The following OSBPL3 variants were observed in gnomAD, a reference collection of about 807,000 sequenced individuals.
OSBPL3 encodes oxysterol binding protein like 3.
OSBPL3 carries 65 observed loss-of-function variants against 120.1 expected under a neutral mutation model. The observed-to-expected ratio is 0.54, with a 90% CI of 0.44 to 0.67. OSBPL3 has a LOEUF of 0.67. Among genes scored for constraint, OSBPL3 ranks in the 30% least tolerant of loss-of-function variants. The pLI is 0.00. For synonymous variants in OSBPL3, 416 were observed against 402.6 expected (o/e 1.03, Z -0.40); for missense variants, 1,004 against 1,082.1 (o/e 0.93, Z 1.01).
intron 14 of OSBPL3, among the ~76,000 whole-genome samples, chr7:24,838,929 C>G (rs980580384): frequency 6.6e-6 from 1 of 152,196 alleles, no homozygotes; most frequent in Non-Finnish European, 1.5e-5. Flanking sequence ...GGGTTCATCT[C>G]CCAAGAAACA....
rs766168882 is a variant in OSBPL3, at chr7:24,863,460, G to A, written c.777+36C>T. 6.6e-7 allele frequency: 1 copy of A among 1,525,658 alleles called. No homozygotes were observed. The highest frequency in any genetic ancestry group is 9.1e-7 in the Non-Finnish European group (1 of 1,099,380). The allele number at this position is 1,525,658 out of a possible 1,614,324, so 94.5% of individuals were successfully genotyped here. On this transcript the variant is annotated intron_variant, in intron 8 of 22. Transcript: ENST00000313367. This position sits in a 1 kb window ranked among gnomAD's most constrained non-coding sequence, Gnocchi z 5.8. ...TGGGAGGAGAAAGGAAAGCAGAAGAGGGCCAGAATGTCAACAGAAGAGGAG... is the reference window on the plus strand; with the variant it reads ...TGGGAGGAGAAAGGAAAGCAGAAGAAGGCCAGAATGTCAACAGAAGAGGAG...
In OSBPL3 at chr7:24,804,375, T is replaced by C; in HGVS notation, c.2507A>G (p.Gln836Arg). The change falls in exon 22 of 23, where the codon CAG becomes CGG. Residue 836 changes from glutamine to arginine, a missense_variant. Gln to Arg is a conservative substitution (Grantham distance 43). Around this residue, in one of 4 missense-constraint regions of OSBPL3, gnomAD observed 473 missense variants for 568.0 expected, o/e 0.83. Coordinates refer to ENST00000313367, the MANE Select transcript of OSBPL3 (RefSeq NM_015550.4). This position sits in a 1 kb window ranked among gnomAD's most constrained non-coding sequence, Gnocchi z 5.4. ...EIQKQRIEQLQRERRRVLEEN... is the reference protein window; with the variant it reads ...EIQKQRIEQLRRERRRVLEEN... The stretch of plus-strand genomic sequence containing the variant: ...TTCTAAGACCCGCCGCCTTTCTCTC[T>C]GCAGTTGTTCAATCCTCTGCTTTTG... 1 of 1,614,144 alleles carries C rather than the reference T, an allele frequency of 6.2e-7. No homozygotes were observed. Among genetic ancestry groups the C allele is most frequent in the South Asian group, 1.1e-5 (1 of 91,080 alleles).
rs1796256884 is a variant in OSBPL3, at chr7:24,830,687, G to A, written c.1884+81C>T. 1 of 1,303,230 alleles carries A rather than the reference G, an allele frequency of 7.7e-7. No homozygotes were observed. Among genetic ancestry groups the A allele is most frequent in the Admixed American group, 2.2e-5 (1 of 44,844 alleles). 80.7% of individuals were successfully genotyped at this position (1,303,230 alleles called of 1,614,324 possible). On this transcript the variant is annotated intron_variant, in intron 16 of 22. Coordinates refer to ENST00000313367, the MANE Select transcript of OSBPL3 (RefSeq NM_015550.4). This position sits in a 1 kb window ranked among gnomAD's most constrained non-coding sequence, Gnocchi z 4.4. Reference sequence around the variant, plus strand: ...GGCTGCTTTGAAGCCAGTGAAAGGTGGAAGATAAATATTTCAGAAGCACAT... The same window carrying A: ...GGCTGCTTTGAAGCCAGTGAAAGGTAGAAGATAAATATTTCAGAAGCACAT...
intron 1 of OSBPL3, among the ~76,000 whole-genome samples, chr7:24,929,991 T>C (rs535248431): frequency 4.9e-4 from 75 of 152,298 alleles, no homozygotes; most frequent in African/African-American, 1.8e-3. Flanking sequence ...TCTTCACCTC[T>C]CTGGGTTCTC....
At chr7:24,917,959 A>AT (rs1809919057) in intron 1 of OSBPL3, 1 of 350,912 alleles carries the variant, frequency 2.8e-6, no homozygotes, top group African/African-American at 2.2e-5. Flanking sequence ...ACACTTACCC[A>AT]TTTACCAAGA....
At chr7:24,870,922 C>A (rs1802019709) in intron 4 of OSBPL3, 77 bp from the exon 5 acceptor site, 1 of 886,140 alleles carries the variant, frequency 1.1e-6, no homozygotes, top group Non-Finnish European at 1.9e-6. Context: ...CACCCTTCCA[C>A]ATCCCCTGAT....
At chr7:24,876,893 G>A (rs1449587932) in intron 2 of OSBPL3, among the ~76,000 whole-genome samples, 1 of 152,144 alleles carries the variant, frequency 6.6e-6, no homozygotes, top group South Asian at 2.1e-4. Context: ...AAAGAATAGA[G>A]CAACTACAAT....
Position 24,804,405 on chromosome 7 carries a change from TCA to T in OSBPL3, c.2475_2476del (p.Glu826AsnfsTer7). ...TTGTTCAATCCTCTGCTTTTGTATT[TCA>T]GCTTCTTCTAAGTTCCCTTCCTCTA... On this transcript the variant is annotated frameshift_variant, in exon 22 of 23. Transcript: ENST00000313367. LOFTEE classifies it high-confidence loss of function. The surrounding 1 kb of genome is among the most constrained non-coding windows in gnomAD (Gnocchi z 5.4). 6.2e-7 allele frequency: 1 copy of T among 1,614,016 alleles called. No individual in the cohort carries two copies. Among genetic ancestry groups the T allele is most frequent in the Non-Finnish European group, 8.5e-7 (1 of 1,179,924 alleles).
In OSBPL3 at chr7:24,894,581, C is replaced by A. The variant is rs1336400952; in HGVS notation, c.-149-1960G>T. 2.0e-5 allele frequency among the ~76,000 whole-genome samples: 3 copies of A among 151,936 alleles called. No homozygotes were observed. Among genetic ancestry groups the A allele is most frequent in the Non-Finnish European group, 4.4e-5 (3 of 67,994 alleles). On this transcript the variant is annotated intron_variant, in intron 1 of 22. Coordinates refer to ENST00000313367, the MANE Select transcript of OSBPL3 (RefSeq NM_015550.4). This position sits in a 1 kb window ranked among gnomAD's most constrained non-coding sequence, Gnocchi z 4.1. Reference sequence around the variant, plus strand: ...GTCTGTGCTTGGGGCGGGGAGGGGGCATCCACTGCTATGGCAACAGATTCC... The same window carrying A: ...GTCTGTGCTTGGGGCGGGGAGGGGGAATCCACTGCTATGGCAACAGATTCC...
intron 1 of OSBPL3, among the ~76,000 whole-genome samples, chr7:24,893,627 C>T (rs10951032): frequency 0.27 from 40,576 of 151,832 alleles, 5,579 homozygotes; most frequent in East Asian, 0.44. Context: ...GCCTGGCCAA[C>T]ATGGTGAAAC....
At position 24,865,332 on chromosome 7, in the gene OSBPL3, G is replaced by A. The variant is rs761316094; in HGVS notation, c.673+10C>T. On this transcript the variant is annotated intron_variant, in intron 7 of 22. Transcript: ENST00000313367. Reference sequence around the variant, plus strand: ...CCACAACAGAAAGCAGACGTTTCAAGTCACTCTACCTTTGGAGCATTTTTC... The same window carrying A: ...CCACAACAGAAAGCAGACGTTTCAAATCACTCTACCTTTGGAGCATTTTTC... 1.2e-5 allele frequency: 20 copies of A among 1,613,188 alleles called. 1 individual carries two copies. The South Asian group carries it at 2.2e-4, about 18-fold the overall frequency.
intron 2 of OSBPL3, among the ~76,000 whole-genome samples, chr7:24,884,956 A>G (rs1449178107): frequency 6.6e-6 from 1 of 152,124 alleles, no homozygotes; most frequent in Non-Finnish European, 1.5e-5. Flanking sequence ...GAGATGCTAA[A>G]TCTTAGTATC....
chr7:24,864,517 T>C (rs1217410280), intron 7 of OSBPL3, among the ~76,000 whole-genome samples: 15 of 152,194 alleles, frequency 9.9e-5, no homozygotes, highest in Non-Finnish European at 2.2e-4. Flanking sequence ...TGATATTTAT[T>C]AGAGGGGTAA....
At chr7:24,840,658 A>G in intron 14 of OSBPL3, 32 bp downstream of exon 14, 3 of 1,002,530 alleles carry the variant, frequency 3.0e-6, no homozygotes, top group Non-Finnish European at 4.5e-6. Context: ...GAAAATCCAA[A>G]CTTTTCAGAG....
At position 24,813,016 on chromosome 7, in the gene OSBPL3, C is replaced by A. The variant is rs1794030330; in HGVS notation, c.2172+2043G>T. On this transcript the variant is annotated intron_variant, in intron 19 of 22. Transcript: ENST00000313367. This position sits in a 1 kb window ranked among gnomAD's most constrained non-coding sequence, Gnocchi z 4.5. ...GCCTCAGCCTCTCCAGCAGCTGGGA[C>A]TACAGGTGCATGCCACCGTGTCTGG... Among the ~76,000 whole-genome samples the A allele has an allele frequency of 6.6e-6, 1 of 152,132 alleles. No homozygotes were observed. Among genetic ancestry groups the A allele is most frequent in the Non-Finnish European group, 1.5e-5 (1 of 68,024 alleles).
rs1812013639 is a variant in OSBPL3 at position 24,933,303 on chromosome 7, A to T, written c.-149-40682T>A. Among the ~76,000 whole-genome samples, 1 of 152,184 alleles carries T rather than the reference A, an allele frequency of 6.6e-6. No homozygotes were observed. Among genetic ancestry groups the T allele is most frequent in the Admixed American group, 6.5e-5 (1 of 15,280 alleles). ...CATTTCAGCTTGACAATTTAGTAAC[A>T]CTGCTCTAGAGTCAAAAAAAGAACC... is the stretch of plus-strand genomic sequence containing the variant. On this transcript the variant is annotated intron_variant, in intron 1 of 22. Transcript: ENST00000313367. The surrounding 1 kb of genome is among the most constrained non-coding windows in gnomAD (Gnocchi z 5.1).
intron 1 of OSBPL3, among the ~76,000 whole-genome samples, chr7:24,979,669 G>A (rs771734553): frequency 2.3e-4 from 35 of 152,124 alleles, no homozygotes; most frequent in Admixed American, 4.6e-4. Context: ...TCCTGGGGTG[G>A]GTGAGACCCG....
At position 24,803,639 on chromosome 7, in the gene OSBPL3, C is replaced by T. The variant is rs1411228144; in HGVS notation, c.2567+676G>A. Reference sequence around the variant, plus strand: ...TACAAAAATTAGCCGGGCATGGTGGCACGCGCCTGTAGTCCCAGCTACTTA... The same window carrying T: ...TACAAAAATTAGCCGGGCATGGTGGTACGCGCCTGTAGTCCCAGCTACTTA... On this transcript the variant is annotated intron_variant, in intron 22 of 22. Transcript: ENST00000313367. This position sits in a 1 kb window ranked among gnomAD's most constrained non-coding sequence, Gnocchi z 4.2. Among the ~76,000 whole-genome samples the T allele has an allele frequency of 1.3e-5, 2 of 152,062 alleles. No individual in the cohort carries two copies. The highest frequency in any genetic ancestry group is 2.9e-5 in the Non-Finnish European group (2 of 68,008).
chr7:24,978,590 G>C (rs374521460), intron 1 of OSBPL3, among the ~76,000 whole-genome samples: 1 of 152,214 alleles, frequency 6.6e-6, no homozygotes, highest in African/African-American at 2.4e-5. Flanking sequence ...ATCTCCTTTA[G>C]CCAAGTATAG....
Sources: gnomAD v4.1 joint callset for allele counts (sites outside exome capture counted in the v4.1 genomes callset) on GRCh38, gnomAD v4.1.1 for gene constraint, gnomAD v4.1.1 regional missense constraint, Gnocchi (gnomAD v3.1) non-coding constraint, MANE v1.5 for transcripts, NCBI Gene and HGNC (gene_info 2026-07-23, HGNC 2026-07-21) for gene names.